CSMD3: variants seen among roughly 807,000 people sequenced by gnomAD.
CSMD3 encodes the protein CUB and Sushi multiple domains 3.
A neutral mutation model predicts 435.2 loss-of-function variants in CSMD3; 177 were observed. That is an observed-to-expected ratio of 0.41 (90% CI 0.36 to 0.46). CSMD3 has a LOEUF of 0.46. Among genes scored for constraint, CSMD3 ranks in the 20% least tolerant of loss-of-function variants. The probability of loss-of-function intolerance (pLI) is 0.34; values close to 1 mark genes in which losing one functional copy is unlikely to be tolerated. For missense variants in CSMD3, 4,265 were observed against 4,504.6 expected, an observed-to-expected ratio of 0.95 and a Z score of 1.52; for synonymous variants, 1,656 against 1,520.5, an observed-to-expected ratio of 1.09 and a Z score of -2.07.
intron 27 of CSMD3, among the ~76,000 whole-genome samples, chr8:112,532,993 C>A (rs184252030): frequency 7.5e-4 from 114 of 152,140 alleles, no homozygotes; most frequent in African/African-American, 2.4e-3. Context: ...ATAGATATTT[C>A]TTTGTTTGTT....
intron 50 of CSMD3, among the ~76,000 whole-genome samples, chr8:112,307,204 A>G (rs1821512533): frequency 6.6e-6 from 1 of 151,942 alleles, no homozygotes; most frequent in East Asian, 1.9e-4. Context: ...GATCACTGCA[A>G]CCTCTACCTT....
At chr8:112,328,514 A>AGTAGC (rs1216316564) in intron 45 of CSMD3, among the ~76,000 whole-genome samples, 3 of 152,174 alleles carry the variant, frequency 2.0e-5, no homozygotes. Context: ...AATATTAGAA[A>AGTAGC]TCAAGAGTGA....
chr8:113,347,864 A>C (rs1350539466), intron 1 of CSMD3, among the ~76,000 whole-genome samples: 2 of 152,170 alleles, frequency 1.3e-5, no homozygotes, highest in African/African-American at 4.8e-5. Flanking sequence ...TATACAACAT[A>C]AAGAGAGTAT....
intron 7 of CSMD3, among the ~76,000 whole-genome samples, chr8:112,973,131 ATCACCAAGTCTC>A (rs1464848016): frequency 2.6e-5 from 4 of 151,976 alleles, no homozygotes; most frequent in South Asian, 4.1e-4. Context: ...CCCGTGGGTC[ATCACCAAGTCTC>A]TGCTTTATTC....
chr8:113,307,346 T>A (rs1200868643), intron 2 of CSMD3, among the ~76,000 whole-genome samples: 1 of 152,116 alleles, frequency 6.6e-6, no homozygotes, highest in Non-Finnish European at 1.5e-5. Context: ...TTCACTTTAA[T>A]GCTTAAATAG....
intron 17 of CSMD3, among the ~76,000 whole-genome samples, chr8:112,656,702 A>G (rs73702372): frequency 0.022 from 3,421 of 152,192 alleles, 133 homozygotes; most frequent in African/African-American, 0.079. Context: ...TTTATTTTCA[A>G]TCAGATAATT....
chr8:113,394,797 T>TA (rs529888804), intron 1 of CSMD3, among the ~76,000 whole-genome samples: 86 of 151,694 alleles, frequency 5.7e-4, no homozygotes, highest in African/African-American at 2.0e-3. Flanking sequence ...GAAAGAAAAT[T>TA]TAAAAAAAAA....
intron 27 of CSMD3, among the ~76,000 whole-genome samples, chr8:112,522,923 A>C (rs1349517032): frequency 6.6e-6 from 1 of 151,906 alleles, no homozygotes; most frequent in Non-Finnish European, 1.5e-5. Context: ...GTGCATATGT[A>C]GTTTTCAACT....
At chr8:112,815,837 A>G (rs2079360290) in intron 12 of CSMD3, among the ~76,000 whole-genome samples, 2 of 152,228 alleles carry the variant, frequency 1.3e-5, no homozygotes, top group Non-Finnish European at 2.9e-5. Flanking sequence ...AAATTATTCC[A>G]TATATTTAGT....
chr8:113,055,509 C>T (rs1392215544), intron 5 of CSMD3, among the ~76,000 whole-genome samples: 2 of 152,078 alleles, frequency 1.3e-5, no homozygotes, highest in African/African-American at 4.8e-5. Context: ...TCAACAAGTC[C>T]CCAAGCTTTA....
chr8:112,627,579 T>C (rs1415313060), intron 22 of CSMD3, among the ~76,000 whole-genome samples: 1 of 152,172 alleles, frequency 6.6e-6, no homozygotes, highest in Non-Finnish European at 1.5e-5. Flanking sequence ...AGCAGTCAAA[T>C]TTTGGCTTGT....
intron 5 of CSMD3, among the ~76,000 whole-genome samples, chr8:113,038,741 TAG>T (rs955043351): frequency 6.6e-6 from 1 of 152,072 alleles, no homozygotes; most frequent in African/African-American, 2.4e-5. Context: ...AAAAACAACT[TAG>T]GGAAGAAAGA....
chr8:112,246,995 A>G (rs1372165313), intron 64 of CSMD3, 25 bp downstream of exon 64: 1 of 1,478,290 alleles, frequency 6.8e-7, no homozygotes, highest in Non-Finnish European at 9.5e-7. Flanking sequence ...CCATGATAGC[A>G]TTATTTCTTA....
intron 38 of CSMD3, among the ~76,000 whole-genome samples, chr8:112,377,707 A>G (rs1306742747): frequency 6.6e-6 from 1 of 152,102 alleles, no homozygotes; most frequent in Non-Finnish European, 1.5e-5. Flanking sequence ...GAAATCAATA[A>G]ATGTGATATA....
chr8:112,698,004 A>G (rs2076297099), intron 13 of CSMD3, among the ~76,000 whole-genome samples: 2 of 151,760 alleles, frequency 1.3e-5, no homozygotes, highest in African/African-American at 2.4e-5. Flanking sequence ...TTCAAAGTGG[A>G]ATGGGTAGAG....
At chr8:112,478,025 C>T (rs893638242) in intron 31 of CSMD3, among the ~76,000 whole-genome samples, 44 of 152,214 alleles carry the variant, frequency 2.9e-4, no homozygotes, top group African/African-American at 8.2e-4. Flanking sequence ...TAAAAAGAGG[C>T]GTTCCCCTGC....
At chr8:112,765,506 A>G (rs2077956202) in intron 13 of CSMD3, among the ~76,000 whole-genome samples, 1 of 151,196 alleles carries the variant, frequency 6.6e-6, no homozygotes, top group East Asian at 1.9e-4. Context: ...ATAATAAGAC[A>G]GTATAATCCA....
rs996318397 is a variant in CSMD3, at chr8:112,537,359, C to T, written c.4564+13312G>A. Among the ~76,000 whole-genome samples, 3 of 150,936 alleles carry T rather than the reference C, an allele frequency of 2.0e-5. No homozygotes were observed. The Admixed American group carries it at 2.0e-4, about 10-fold the overall frequency. On this transcript the variant is annotated intron_variant, in intron 27 of 70. Transcript: ENST00000297405. ...ACTAGAAAACAATGACAAATCAAAC[C>T]CCAAATTAGTAGAAGGAAAGAAATT...
At chr8:112,535,713 A>G (rs1022042125) in intron 27 of CSMD3, among the ~76,000 whole-genome samples, 2 of 152,194 alleles carry the variant, frequency 1.3e-5, no homozygotes, top group Non-Finnish European at 2.9e-5. Flanking sequence ...CGCATCGCCA[A>G]GTCGATCCTA....
Sources: allele counts gnomAD v4.1 joint callset (sites outside exome capture counted in the v4.1 genomes callset), GRCh38; gene constraint gnomAD v4.1.1; transcripts MANE v1.5; gene names NCBI Gene and HGNC (gene_info 2026-07-23, HGNC 2026-07-21).